MTOR: variants seen among roughly 807,000 people sequenced by gnomAD.
MTOR encodes serine/threonine-protein kinase mTOR.
In MTOR, 70 loss-of-function variants were observed where a neutral mutation model predicts 319.8. The observed-to-expected ratio is 0.22, with a 90% CI of 0.18 to 0.27. The LOEUF (loss-of-function observed/expected upper bound fraction) is 0.27. Among genes scored for constraint, MTOR ranks in the 10% least tolerant of loss-of-function variants. The probability of loss-of-function intolerance (pLI) is 1.00; values close to 1 mark genes in which losing one functional copy is unlikely to be tolerated. For synonymous variants in MTOR, 1,183 were observed against 1,211.4 expected, an observed-to-expected ratio of 0.98 and a Z score of 0.49; for missense variants, 1,890 against 3,274.4, an observed-to-expected ratio of 0.58 and a Z score of 10.32.
At position 11,133,415 on chromosome 1, in the gene MTOR, G is replaced by A. The variant is rs375468666; in HGVS notation, c.5247-218C>T. 1.8e-3 allele frequency among the ~76,000 whole-genome samples: 275 copies of A among 152,294 alleles called. 2 individuals are homozygous for A. The highest frequency in any genetic ancestry group is 5.2e-3 in the South Asian group (25 of 4,824). ...ATACCATCTTTCCATCTTGACCTTTGTCTCTCAATGACAGCATAAACCATG... is the reference window on the plus strand; with the variant it reads ...ATACCATCTTTCCATCTTGACCTTTATCTCTCAATGACAGCATAAACCATG... On this transcript the variant is annotated intron_variant, in intron 37 of 57. Coordinates refer to ENST00000361445, the MANE Select transcript of MTOR (RefSeq NM_004958.4). This position sits in a 1 kb window ranked among gnomAD's most constrained non-coding sequence, Gnocchi z 4.0.
chr1:11,255,382 C>CAAAAAA (rs56328160), intron 5 of MTOR, among the ~76,000 whole-genome samples: 10 of 98,216 alleles, frequency 1.0e-4, no homozygotes, highest in African/African-American at 4.4e-4. Flanking sequence ...ACTCCATCTC[C>CAAAAAA]AAAAAAAAAA....
Position 11,216,210 on chromosome 1 carries a change from A to G in MTOR, c.3055T>C (p.Leu1019=). 1 of 1,614,140 alleles carries G rather than the reference A, an allele frequency of 6.2e-7. No homozygotes were observed. The highest frequency in any genetic ancestry group is 8.5e-7 in the Non-Finnish European group (1 of 1,179,982). The change falls in exon 20 of 58, where the codon TTG becomes CTG. Residue 1019 remains leucine, a synonymous_variant. Coordinates refer to ENST00000361445, the MANE Select transcript of MTOR (RefSeq NM_004958.4). ...ATGTGGCTCTTCACAAAGGACACCA[A>G]CATTCCCAGCTGCTGGAACAAAAAC... is the stretch of plus-strand genomic sequence containing the variant. The part of the protein sequence containing the change: ...REFLFQQLGM[L]VSFVKSHIRP...
Position 11,106,959 on chromosome 1 carries a change from A to G in MTOR, c.*526T>C. On this transcript the variant is annotated 3_prime_UTR_variant, in exon 58 of 58. Transcript: ENST00000361445. Reference sequence around the variant, plus strand: ...TTGTACTCATTTTGGCCTATCTTGCAAACATTTCTGCTGCTGTCCACAGAC... The same window carrying G: ...TTGTACTCATTTTGGCCTATCTTGCGAACATTTCTGCTGCTGTCCACAGAC... 1 of 1,370,608 alleles carries G rather than the reference A, an allele frequency of 7.3e-7. No individual in the cohort carries two copies. Among genetic ancestry groups the G allele is most frequent in the Non-Finnish European group, 9.6e-7 (1 of 1,038,790 alleles). 84.9% of individuals were successfully genotyped at this position (1,370,608 alleles called of 1,614,324 possible). A position where few individuals can be genotyped will look rare whatever the true frequency, so the allele number is the denominator to read the frequency against.
intron 28 of MTOR, among the ~76,000 whole-genome samples, chr1:11,198,974 T>C (rs1349442568): frequency 1.3e-5 from 2 of 152,156 alleles, no homozygotes; most frequent in Non-Finnish European, 2.9e-5. Context: ...TAGGCTGCCA[T>C]GGCCACAGAA....
chr1:11,157,213 T>C lies in MTOR; in HGVS notation c.4408A>G (p.Asn1470Asp), dbSNP rs2100567682. 6.2e-7 allele frequency: 1 copy of C among 1,614,136 alleles called. No individual in the cohort carries two copies. Among genetic ancestry groups the C allele is most frequent in the Non-Finnish European group, 8.5e-7 (1 of 1,179,990 alleles). Reference sequence around the variant, plus strand: ...AGCATCAGCTCTGGGTCGTCCTTGTTGGTGTCCATTTTCTTGTCATAGGCC... The same window carrying C: ...AGCATCAGCTCTGGGTCGTCCTTGTCGGTGTCCATTTTCTTGTCATAGGCC... ...LVAYDKKMDTNKDDPELMLGR... is the reference protein window; with the variant it reads ...LVAYDKKMDTDKDDPELMLGR... The change falls in exon 30 of 58, where the codon AAC becomes GAC. Residue 1470 changes from asparagine to aspartate, a missense_variant. Physicochemically the swap from Asn to Asp is conservative, Grantham distance 23 (BLOSUM62 1). Transcript: ENST00000361445.
In MTOR at chr1:11,127,227, AT is replaced by A. The variant is rs1472427511; in HGVS notation, c.6217-84del. On this transcript the variant is annotated intron_variant, in intron 44 of 57. Coordinates refer to ENST00000361445, the MANE Select transcript of MTOR (RefSeq NM_004958.4). The surrounding 1 kb of genome is among the most constrained non-coding windows in gnomAD (Gnocchi z 5.5). ...CAAAATCCCCAGGCTGACTGCAGAT[AT>A]TCCTCAGGAGCCCGCTGTGGCCTGA... is the stretch of plus-strand genomic sequence containing the variant. The A allele has an allele frequency of 4.4e-6, 7 of 1,577,134 alleles. No individual in the cohort carries two copies. Among genetic ancestry groups the A allele is most frequent in the African/African-American group, 1.4e-5 (1 of 74,052 alleles).
intron 28 of MTOR, among the ~76,000 whole-genome samples, chr1:11,184,974 A>G (rs1645268371): frequency 6.6e-6 from 1 of 152,080 alleles, no homozygotes; most frequent in Admixed American, 6.5e-5. Context: ...GACTACTTAC[A>G]TTCTCCCACT....
At chr1:11,194,667 T>G in intron 28 of MTOR, 2 of 1,614,024 alleles carry the variant, frequency 1.2e-6, no homozygotes, top group Non-Finnish European at 1.7e-6. Flanking sequence ...AAGGTGAGAT[T>G]TGGGGGGACC....
intron 19 of MTOR, among the ~76,000 whole-genome samples, chr1:11,219,683 T>C (rs547135765): frequency 2.0e-5 from 3 of 152,136 alleles, no homozygotes; most frequent in Admixed American, 2.0e-4. Flanking sequence ...TTATATATAA[T>C]AGAAGTATTC....
chr1:11,200,057 T>C (rs1645910461), intron 26 of MTOR, among the ~76,000 whole-genome samples: 1 of 152,224 alleles, frequency 6.6e-6, no homozygotes, highest in African/African-American at 2.4e-5. Context: ...GCAAAGTGAC[T>C]TTTCTCCAAA....
intron 19 of MTOR, among the ~76,000 whole-genome samples, chr1:11,218,114 T>C (rs1380299347): frequency 6.6e-6 from 1 of 152,050 alleles, no homozygotes; most frequent in African/African-American, 2.4e-5. Flanking sequence ...CCCATACAAA[T>C]ATGTATAGTG....
At chr1:11,225,897 A>G (rs539951700) in intron 19 of MTOR, among the ~76,000 whole-genome samples, 17 of 152,342 alleles carry the variant, frequency 1.1e-4, no homozygotes, top group Non-Finnish European at 1.8e-4. Context: ...AGCTTCCTAA[A>G]AAAAAGTAGC....
intron 29 of MTOR, among the ~76,000 whole-genome samples, chr1:11,165,294 A>G (rs1186135555): frequency 6.6e-6 from 1 of 152,196 alleles, no homozygotes; most frequent in African/African-American, 2.4e-5. Context: ...GGAAAAGAGG[A>G]AGTCAAATTG....
At chr1:11,244,475 T>G (rs1454907316) in intron 8 of MTOR, among the ~76,000 whole-genome samples, 4 of 151,242 alleles carry the variant, frequency 2.6e-5, no homozygotes, top group Non-Finnish European at 5.9e-5. Flanking sequence ...TCTACTGAAA[T>G]ACAAAAAATT....
At chr1:11,185,921 A>G (rs1044848405) in intron 28 of MTOR, among the ~76,000 whole-genome samples, 2 of 151,872 alleles carry the variant, frequency 1.3e-5, no homozygotes, top group Non-Finnish European at 2.9e-5. Context: ...CTGTACTAAA[A>G]AATACAAAAA....
Position 11,133,200 on chromosome 1 carries a change from G to A in MTOR, c.5247-3C>T. 1.2e-6 allele frequency: 2 copies of A among 1,613,584 alleles called. No homozygotes were observed. The highest frequency in any genetic ancestry group is 4.5e-5 in the East Asian group (2 of 44,868). ...ACTCTCCAAGTTTCAGGAAGCATCT[G>A]GAAGCAGAGAAACAAGCCCCCATGA... On this transcript the variant is annotated splice_region_variant and splice_polypyrimidine_tract_variant and intron_variant, in intron 37 of 57. Coordinates refer to ENST00000361445, the MANE Select transcript of MTOR (RefSeq NM_004958.4). The surrounding 1 kb of genome is among the most constrained non-coding windows in gnomAD (Gnocchi z 4.0).
rs147555055 is a variant in MTOR, at chr1:11,130,656, G to A, written c.5486C>T (p.Thr1829Ile). Reference protein sequence around the residue: ...HASGANITNATTAATTAATAT... With the variant: ...HASGANITNAITAATTAATAT... ...AGTGGCGGCCGTGGTGGCGGCAGTG[G>A]TGGCGTTGGTGATGTTGGCCCCGCT... Residue 1829 changes from threonine (T) to isoleucine (I), a missense_variant, in exon 39 of 58, where the codon ACC (threonine) becomes ATC (isoleucine). Around this residue, in one of 15 missense-constraint regions of MTOR, gnomAD observed 91 missense variants for 90.4 expected, o/e 1.01. Transcript: ENST00000361445. 1 of 1,613,268 alleles carries A rather than the reference G, an allele frequency of 6.2e-7. No homozygotes were observed. The highest frequency in any genetic ancestry group is 1.1e-5 in the South Asian group (1 of 90,818).
intron 6 of MTOR, among the ~76,000 whole-genome samples, chr1:11,253,072 G>A (rs941660449): frequency 6.6e-6 from 1 of 152,132 alleles, no homozygotes; most frequent in Admixed American, 6.5e-5. Context: ...AGCCAACTTT[G>A]GCTTGAGGAC....
At chr1:11,116,308 A>C (rs532851951) in intron 50 of MTOR, among the ~76,000 whole-genome samples, 10 of 152,248 alleles carry the variant, frequency 6.6e-5, no homozygotes, top group South Asian at 6.2e-4. Flanking sequence ...AATCAATATG[A>C]TTTAGTATTT....
Sources: gnomAD v4.1 joint callset for allele counts (sites outside exome capture counted in the v4.1 genomes callset) on GRCh38, gnomAD v4.1.1 for gene constraint, gnomAD v4.1.1 regional missense constraint, Gnocchi (gnomAD v3.1) non-coding constraint, MANE v1.5 for transcripts, NCBI Gene and HGNC (gene_info 2026-07-23, HGNC 2026-07-21) for gene names.